CACNB4: variants seen among roughly 807,000 people sequenced by gnomAD.
The protein encoded by CACNB4 is calcium voltage-gated channel auxiliary subunit beta 4.
In CACNB4, 32 loss-of-function variants were observed where a neutral mutation model predicts 71.2. The ratio of observed to expected loss-of-function variants is 0.45; its 90% CI spans 0.34 to 0.60. CACNB4 has a LOEUF of 0.60. Ranked by LOEUF, CACNB4 falls within the 20% of genes least tolerant of loss-of-function variation. The pLI is 0.01. For missense variants in CACNB4, 464 were observed against 647.9 expected, an observed-to-expected ratio of 0.72 and a Z score of 3.08; for synonymous variants, 231 against 236.9, an observed-to-expected ratio of 0.97 and a Z score of 0.23.
At chr2:152,079,070 T>G (rs1287651663) in intron 2 of CACNB4, among the ~76,000 whole-genome samples, 1 of 151,428 alleles carries the variant, frequency 6.6e-6, no homozygotes, top group East Asian at 1.9e-4. Context: ...AAAATAAACC[T>G]GTGTTGTGTT....
In CACNB4 at chr2:151,883,131, T is replaced by G; in HGVS notation, c.267+120A>C. ...GAAAGGATCAGAGAGCTTCCCAATC[T>G]GGAGCCTTGTTAGAATAATCACAAA... On this transcript the variant is annotated intron_variant, in intron 3 of 13. Transcript: ENST00000539935. 3 of 1,035,484 alleles carry G rather than the reference T, an allele frequency of 2.9e-6. No homozygotes were observed. The South Asian group carries it at 4.2e-5, about 15-fold the overall frequency. 64.1% of individuals were successfully genotyped at this position (1,035,484 alleles called of 1,614,324 possible).
At chr2:151,965,351 T>C (rs978847808) in intron 2 of CACNB4, among the ~76,000 whole-genome samples, 11 of 152,306 alleles carry the variant, frequency 7.2e-5, no homozygotes, top group African/African-American at 2.6e-4. Context: ...CACTTTATCA[T>C]AGAGGGAACT....
chr2:151,993,649 C>G (rs1456791458), intron 2 of CACNB4, among the ~76,000 whole-genome samples: 1 of 150,178 alleles, frequency 6.7e-6, no homozygotes, highest in African/African-American at 2.5e-5. Flanking sequence ...ACTGCAACCT[C>G]TGCCTCCCAG....
At chr2:152,013,476 G>C (rs938321752) in intron 2 of CACNB4, among the ~76,000 whole-genome samples, 2 of 152,150 alleles carry the variant, frequency 1.3e-5, no homozygotes, top group Admixed American at 1.3e-4. Context: ...TGCTCGGAGG[G>C]AGGGCAGGAG....
chr2:151,842,134 G>A, intron 12 of CACNB4, 46 bp from the exon 13 acceptor site: 1 of 1,537,780 alleles, frequency 6.5e-7, no homozygotes, highest in Non-Finnish European at 9.0e-7. Flanking sequence ...TTAGGTTTTA[G>A]GCAATGAAAC....
intron 2 of CACNB4, among the ~76,000 whole-genome samples, chr2:152,007,350 G>A (rs139811571): frequency 6.6e-6 from 1 of 152,182 alleles, no homozygotes; most frequent in Non-Finnish European, 1.5e-5. Context: ...AAGAAACTCT[G>A]TACCCATTTA....
At chr2:151,952,831 A>G (rs926820445) in intron 2 of CACNB4, among the ~76,000 whole-genome samples, 5 of 152,198 alleles carry the variant, frequency 3.3e-5, no homozygotes, top group Non-Finnish European at 7.3e-5. Context: ...AACATTTGAA[A>G]CACTTATATT....
chr2:152,065,523 G>A (rs1686266477), intron 2 of CACNB4, among the ~76,000 whole-genome samples: 1 of 152,210 alleles, frequency 6.6e-6, no homozygotes, highest in Non-Finnish European at 1.5e-5. Context: ...AGAGTGCTGG[G>A]AAGAAAAGGT....
chr2:151,888,303 TG>T (rs1220715758), intron 2 of CACNB4, among the ~76,000 whole-genome samples: 3 of 152,192 alleles, frequency 2.0e-5, no homozygotes, highest in African/African-American at 4.8e-5. Context: ...AGCTCATGCC[TG>T]AAATCCCAGC....
At chr2:152,088,731 G>A (rs775535045) in intron 2 of CACNB4, among the ~76,000 whole-genome samples, 3 of 152,180 alleles carry the variant, frequency 2.0e-5, no homozygotes, top group Non-Finnish European at 2.9e-5. Flanking sequence ...CTTTCAGATC[G>A]TGAATGCCAT....
At position 152,060,851 on chromosome 2, in the gene CACNB4, A is replaced by T. The variant is rs559689243; in HGVS notation, c.147+37479T>A. On this transcript the variant is annotated intron_variant, in intron 2 of 13. Coordinates refer to ENST00000539935, the MANE Select transcript of CACNB4 (RefSeq NM_000726.5). Reference sequence around the variant, plus strand: ...AACAAAACAATACATAAATTTTTGTAAAAAAAAGCATTGTCTATATCTATG... The same window carrying T: ...AACAAAACAATACATAAATTTTTGTTAAAAAAAGCATTGTCTATATCTATG... Among the ~76,000 whole-genome samples, 7 of 152,112 alleles carry T rather than the reference A, an allele frequency of 4.6e-5. No individual in the cohort carries two copies. In the East Asian group the frequency reaches 7.7e-4, roughly 17 times the overall value.
At chr2:151,881,305 A>G (rs2099847766) in intron 3 of CACNB4, among the ~76,000 whole-genome samples, 1 of 152,042 alleles carries the variant, frequency 6.6e-6, no homozygotes, top group African/African-American at 2.4e-5. Flanking sequence ...CTTTTTAAAA[A>G]GAAAAAAAAA....
rs2099873173 is a variant in CACNB4 at position 151,973,541 on chromosome 2, A to G, written c.148-90171T>C. 1.6e-5 allele frequency: 13 copies of G among 814,550 alleles called. No individual in the cohort carries two copies. The Admixed American group carries it at 1.8e-4, about 11-fold the overall frequency. The allele number at this position is 814,550 out of a possible 1,614,324, so 50.5% of individuals were successfully genotyped here. ...ATTTACACAGCAGCCAGCAAGCCCC[A>G]GAATGATGTTAGCTTTCTGCTCCAT... On this transcript the variant is annotated intron_variant, in intron 2 of 13. Transcript: ENST00000539935.
intron 2 of CACNB4, among the ~76,000 whole-genome samples, chr2:151,897,980 G>C (rs890691303): frequency 3.0e-4 from 46 of 152,190 alleles, no homozygotes; most frequent in African/African-American, 1.1e-3. Context: ...AAAAGGGATA[G>C]AAATATAAAA....
Position 151,853,494 on chromosome 2 carries a change from A to G in CACNB4, c.1070T>C (p.Leu357Ser). 1 of 1,600,654 alleles carries G rather than the reference A, an allele frequency of 6.2e-7. No individual in the cohort carries two copies. The highest frequency in any genetic ancestry group is 1.1e-5 in the South Asian group (1 of 87,512). The change falls in exon 12 of 14, where the codon TTG becomes TCG. Residue 357 changes from leucine to serine, a missense_variant. Physicochemically the swap from Leu to Ser is moderately radical, Grantham distance 145. Transcript: ENST00000539935. ...KSRGKSQSKH[L>S]NVQLVAADKL... is the part of the protein sequence containing the mutation. ...ATCAGCTGCCACCAGTTGAACATTCAAGTGTTTACTTTGTGACTTTCCTCT... is the reference window on the plus strand; with the variant it reads ...ATCAGCTGCCACCAGTTGAACATTCGAGTGTTTACTTTGTGACTTTCCTCT...
intron 11 of CACNB4, 35 bp downstream of exon 11, chr2:151,855,189 A>T: frequency 7.0e-7 from 1 of 1,432,990 alleles, no homozygotes; most frequent in Non-Finnish European, 9.4e-7. Context: ...TAAAAGATGC[A>T]CTTCTAAACC....
intron 2 of CACNB4, among the ~76,000 whole-genome samples, chr2:151,929,370 A>G (rs2099861060): frequency 1.3e-5 from 2 of 152,242 alleles, no homozygotes; most frequent in Admixed American, 1.3e-4. Flanking sequence ...AACCCTTACT[A>G]TATGTAATGT....
chr2:151,847,166 G>T (rs923821728), intron 12 of CACNB4, among the ~76,000 whole-genome samples: 6 of 150,172 alleles, frequency 4.0e-5, no homozygotes, highest in Non-Finnish European at 1.5e-5. Flanking sequence ...GATTAGTTGA[G>T]CCCAGAGGTT....
intron 2 of CACNB4, among the ~76,000 whole-genome samples, chr2:152,082,121 C>A (rs1687388311): frequency 6.6e-6 from 1 of 152,212 alleles, no homozygotes; most frequent in Non-Finnish European, 1.5e-5. Flanking sequence ...GGATGCTTAT[C>A]TGAGAACCAT....
Sources: gnomAD v4.1 joint callset for allele counts (sites outside exome capture counted in the v4.1 genomes callset) on GRCh38, gnomAD v4.1.1 for gene constraint, MANE v1.5 for transcripts, NCBI Gene and HGNC (gene_info 2026-07-23, HGNC 2026-07-21) for gene names.